The following LRP12 variants were observed in gnomAD, a reference collection of about 807,000 sequenced individuals.
LRP12 encodes LDL receptor related protein 12.
A neutral mutation model predicts 66.0 loss-of-function variants in LRP12; 14 were observed. The ratio of observed to expected loss-of-function variants is 0.21; its 90% CI spans 0.14 to 0.33. The LOEUF (loss-of-function observed/expected upper bound fraction) is 0.33, where lower values mean the gene tolerates loss of function less well. LRP12 is among the 10% of genes least tolerant of loss of function. The probability of loss-of-function intolerance (pLI) is 1.00; values close to 1 mark genes in which losing one functional copy is unlikely to be tolerated. For synonymous variants in LRP12, 357 were observed against 359.1 expected, an observed-to-expected ratio of 0.99 and a Z score of 0.07; for missense variants, 889 against 1,053.4, an observed-to-expected ratio of 0.84 and a Z score of 2.16.
intron 3 of LRP12, among the ~76,000 whole-genome samples, chr8:104,502,129 TA>T (rs1266832620): frequency 6.6e-6 from 1 of 152,244 alleles, no homozygotes; most frequent in Admixed American, 6.5e-5. Flanking sequence ...TACACTTGTT[TA>T]AAGTGAGTTT....
Position 104,497,011 on chromosome 8 carries a change from C to T in LRP12, c.1541G>A (p.Cys514Tyr). 1.3e-6 allele frequency: 2 copies of T among 1,554,470 alleles called. No individual in the cohort carries two copies. The highest frequency in any genetic ancestry group is 1.7e-6 in the Non-Finnish European group (2 of 1,151,400). ...TCTCAGAGAATAAAGCTTACAAGTA[C>T]ATCCCAATGCTATGACGAGTAACAG... ...CGLLLVIALG[C>Y]TCKLYSLRMF... The change falls in exon 5 of 7, where the codon TGT becomes TAT. Residue 514 changes from cysteine to tyrosine, a missense_variant. Around this residue, in one of 3 missense-constraint regions of LRP12, gnomAD observed 800 missense variants for 964.5 expected, o/e 0.83. Coordinates refer to ENST00000276654, the MANE Select transcript of LRP12 (RefSeq NM_013437.5). This position sits in a 1 kb window ranked among gnomAD's most constrained non-coding sequence, Gnocchi z 4.3.
At chr8:104,495,336 G>C (rs901678200) in intron 5 of LRP12, 127 bp from the exon 6 acceptor site, 2 of 942,160 alleles carry the variant, frequency 2.1e-6, no homozygotes, top group African/African-American at 3.3e-5. Context: ...TTAGTCATTT[G>C]ACAAACATTT....
intron 1 of LRP12, among the ~76,000 whole-genome samples, chr8:104,572,324 T>C (rs1812093000): frequency 6.6e-6 from 1 of 152,208 alleles, no homozygotes; most frequent in South Asian, 2.1e-4. Flanking sequence ...TACATCCTGA[T>C]TTTAGTGGCA....
chr8:104,532,610 C>T (rs1360726113), intron 1 of LRP12, among the ~76,000 whole-genome samples: 5 of 152,010 alleles, frequency 3.3e-5, no homozygotes, highest in Admixed American at 6.6e-5. Flanking sequence ...GCTCAGAAAC[C>T]GAACAGACAA....
intron 3 of LRP12, among the ~76,000 whole-genome samples, chr8:104,502,320 G>A (rs1810838890): frequency 6.6e-6 from 1 of 152,196 alleles, no homozygotes; most frequent in South Asian, 2.1e-4. Context: ...CTGCTGTGGG[G>A]TGCAGCAGCT....
intron 1 of LRP12, among the ~76,000 whole-genome samples, chr8:104,567,681 G>A (rs77372410): frequency 1.0e-3 from 152 of 152,262 alleles, no homozygotes; most frequent in African/African-American, 3.5e-3. Context: ...CACCAACAAT[G>A]ATAATCTGAA....
chr8:104,548,221 A>G (rs1232653587), intron 1 of LRP12, among the ~76,000 whole-genome samples: 3 of 101,486 alleles, frequency 3.0e-5, no homozygotes, highest in African/African-American at 9.1e-5. Flanking sequence ...ATATTAATAT[A>G]TGATATATTT....
intron 2 of LRP12, among the ~76,000 whole-genome samples, chr8:104,513,797 G>C (rs1811032756): frequency 6.6e-6 from 1 of 152,096 alleles, no homozygotes; most frequent in African/African-American, 2.4e-5. Flanking sequence ...AAAGCCCTCT[G>C]CTCTTCTCAC....
intron 1 of LRP12, among the ~76,000 whole-genome samples, chr8:104,553,285 G>C (rs1298896018): frequency 6.6e-6 from 1 of 152,176 alleles, no homozygotes; most frequent in Non-Finnish European, 1.5e-5. Context: ...CTTGGCAGGG[G>C]CAGAGGCATG....
intron 1 of LRP12, among the ~76,000 whole-genome samples, chr8:104,580,574 TA>T (rs1487021229): frequency 6.6e-6 from 1 of 151,058 alleles, no homozygotes; most frequent in African/African-American, 2.4e-5. Flanking sequence ...TCTAAATCTA[TA>T]AAGAACTTAA....
rs1812269412 is a variant in LRP12, at chr8:104,582,615, A to C, written c.79+6204T>G. Among the ~76,000 whole-genome samples, 3 of 152,282 alleles carry C rather than the reference A, an allele frequency of 2.0e-5. No homozygotes were observed. In the South Asian group the frequency reaches 6.2e-4, roughly 32 times the overall value. On this transcript the variant is annotated intron_variant, in intron 1 of 6. Coordinates refer to ENST00000276654, the MANE Select transcript of LRP12 (RefSeq NM_013437.5). ...TTGTAAAAAGTTATGTTCTATACTT[A>C]TTTCATTGACAAAATGACTGCCCTC... is the stretch of plus-strand genomic sequence containing the variant.
At chr8:104,496,781 A>G (rs973594367) in intron 5 of LRP12, among the ~76,000 whole-genome samples, 191 bp downstream of exon 5, 1 of 152,162 alleles carries the variant, frequency 6.6e-6, no homozygotes, top group Non-Finnish European at 1.5e-5. Flanking sequence ...ATAACTCTAA[A>G]TATTTAGTTT....
chr8:104,548,045 T>C (rs1227328597), intron 1 of LRP12, among the ~76,000 whole-genome samples: 3 of 120,998 alleles, frequency 2.5e-5, no homozygotes, highest in Admixed American at 2.1e-4. Flanking sequence ...TATAATTCTG[T>C]TATATTATAT....
At position 104,548,403 on chromosome 8, in the gene LRP12, AAT is replaced by A. The variant is rs1343238824; in HGVS notation, c.80-16442_80-16441del. On this transcript the variant is annotated intron_variant, in intron 1 of 6. Transcript: ENST00000276654. Reference sequence around the variant, plus strand: ...ATAAATATATAATATATATTATATAAATATATGATATATTAATAATTAAAATA... The same window carrying A: ...ATAAATATATAATATATATTATATAAATATGATATATTAATAATTAAAATA... Among the ~76,000 whole-genome samples the A allele has an allele frequency of 4.7e-4, 47 of 100,906 alleles. 2 individuals carry two copies. The Middle Eastern group carries it at 0.023, about 50-fold the overall frequency. The allele number at this position is 100,906 out of a possible 152,430, so 66.2% of individuals were successfully genotyped here.
chr8:104,517,526 A>G (rs1223238456), intron 2 of LRP12, among the ~76,000 whole-genome samples: 1 of 152,060 alleles, frequency 6.6e-6, no homozygotes, highest in African/African-American at 2.4e-5. Flanking sequence ...GAGGGAAGAG[A>G]AACCAGTGAG....
chr8:104,494,875 C>A (rs909370460), intron 6 of LRP12, among the ~76,000 whole-genome samples: 1 of 152,122 alleles, frequency 6.6e-6, no homozygotes, highest in African/African-American at 2.4e-5. Flanking sequence ...AAGAATTGCA[C>A]AACCAAATCA....
At chr8:104,579,735 T>C (rs756198527) in intron 1 of LRP12, among the ~76,000 whole-genome samples, 6 of 152,194 alleles carry the variant, frequency 3.9e-5, no homozygotes, top group East Asian at 3.9e-4. Flanking sequence ...AACAGACACA[T>C]AGACCAATGG....
intron 5 of LRP12, chr8:104,496,149 A>G (rs1810722640): frequency 1.3e-5 from 2 of 151,870 alleles, no homozygotes; most frequent in Admixed American, 1.3e-4. Context: ...AAAACTACTC[A>G]CTCTGAAGGT....
rs1162630036 is a variant in LRP12 at position 104,497,947 on chromosome 8, T to G, written c.605A>C (p.Lys202Thr). 1.2e-6 allele frequency: 2 copies of G among 1,614,168 alleles called. No individual in the cohort carries two copies. The highest frequency in any genetic ancestry group is 2.2e-5 in the South Asian group (2 of 91,086). Residue 202 changes from lysine (K) to threonine (T), a missense_variant, in exon 5 of 7, where the codon AAA (lysine) becomes ACA (threonine). Physicochemically the swap from Lys to Thr is moderately conservative, Grantham distance 78. Transcript: ENST00000276654. The surrounding 1 kb of genome is among the most constrained non-coding windows in gnomAD (Gnocchi z 4.3). ...GDSSDEEICA[K>T]EANPPTAAAF... ...AGCAGCAGTTGGAGGATTTGCTTCT[T>G]TGGCACAGATCTCTTCATCGGAACT...
Sources: allele counts gnomAD v4.1 joint callset (sites outside exome capture counted in the v4.1 genomes callset), GRCh38; gene constraint gnomAD v4.1.1; regional missense constraint gnomAD v4.1.1; non-coding constraint Gnocchi (gnomAD v3.1); transcripts MANE v1.5; gene names NCBI Gene and HGNC (gene_info 2026-07-23, HGNC 2026-07-21).